PIK3R4: variants seen among roughly 807,000 people sequenced by gnomAD.
PIK3R4 encodes the protein phosphoinositide-3-kinase regulatory subunit 4.
Under a neutral mutation model 136.5 loss-of-function variants are expected in PIK3R4, and 46 were observed. The ratio of observed to expected loss-of-function variants is 0.34; its 90% CI spans 0.27 to 0.43. The LOEUF (loss-of-function observed/expected upper bound fraction) is 0.43. PIK3R4 is among the 20% of genes least tolerant of loss of function. The probability of loss-of-function intolerance (pLI) is 1.00; values close to 1 mark genes in which losing one functional copy is unlikely to be tolerated. For missense variants in PIK3R4, 1,331 were observed against 1,649.5 expected (o/e 0.81, Z 3.35); for synonymous variants, 557 against 566.7 (o/e 0.98, Z 0.24).
chr3:130,690,812 C>CA (rs900109287), intron 13 of PIK3R4, among the ~76,000 whole-genome samples, 158 bp from the exon 14 acceptor site: 13 of 151,990 alleles, frequency 8.6e-5, no homozygotes, highest in African/African-American at 3.1e-4. Flanking sequence ...AGAACTGTTA[C>CA]AAAAATTGCC....
chr3:130,739,593 G>C (rs575692732), intron 2 of PIK3R4, among the ~76,000 whole-genome samples: 19 of 151,776 alleles, frequency 1.3e-4, no homozygotes, highest in African/African-American at 4.1e-4. Flanking sequence ...GGCTGGTCTT[G>C]AACTCCCAGG....
At position 130,686,152 on chromosome 3, in the gene PIK3R4, A is replaced by G. The variant is rs544731749; in HGVS notation, c.3475+59T>C. The G allele has an allele frequency of 3.0e-5, 29 of 975,312 alleles. No homozygotes were observed. The East Asian group carries it at 4.3e-4, about 15-fold the overall frequency. 60.4% of individuals were successfully genotyped at this position (975,312 alleles called of 1,614,324 possible). ...GAGGAAAAAACTGATTTCACAAGAC[A>G]GCAATTGCAGGCATTAGTGGCATTC... On this transcript the variant is annotated intron_variant, in intron 15 of 19. Transcript: ENST00000356763.
intron 12 of PIK3R4, among the ~76,000 whole-genome samples, chr3:130,704,166 A>C (rs1332457289): frequency 6.6e-6 from 1 of 152,200 alleles, no homozygotes; most frequent in Non-Finnish European, 1.5e-5. Context: ...CAGTTACCTG[A>C]AAATGAAGGC....
At chr3:130,728,750 T>C (rs896973753) in intron 5 of PIK3R4, 66 bp from the exon 6 acceptor site, 21 of 1,116,978 alleles carry the variant, frequency 1.9e-5, no homozygotes, top group Admixed American at 1.1e-4. Flanking sequence ...GATCAATTTT[T>C]CCCCATACAG....
chr3:130,714,129 A>G (rs2066648648), intron 9 of PIK3R4, among the ~76,000 whole-genome samples: 1 of 152,190 alleles, frequency 6.6e-6, no homozygotes, highest in South Asian at 2.1e-4. Flanking sequence ...CAACAGAAAA[A>G]TGTGATTCAG....
intron 7 of PIK3R4, 92 bp downstream of exon 7, chr3:130,723,322 G>T: frequency 9.4e-7 from 1 of 1,068,038 alleles, no homozygotes; most frequent in Non-Finnish European, 1.4e-6. Flanking sequence ...ACAATCAATA[G>T]CAGGAACAAT....
chr3:130,711,676 AC>A (rs2066633320), intron 9 of PIK3R4, among the ~76,000 whole-genome samples: 1 of 152,210 alleles, frequency 6.6e-6, no homozygotes, highest in African/African-American at 2.4e-5. Flanking sequence ...GTTGGTCTGG[AC>A]CTATCCTAAA....
chr3:130,734,813 A>G (rs2066777242), intron 3 of PIK3R4, among the ~76,000 whole-genome samples: 1 of 152,260 alleles, frequency 6.6e-6, no homozygotes. Flanking sequence ...GGACACTCAT[A>G]GGGTATCAGT....
chr3:130,713,593 A>T (rs2066643966), intron 9 of PIK3R4, among the ~76,000 whole-genome samples: 1 of 152,204 alleles, frequency 6.6e-6, no homozygotes, highest in Non-Finnish European at 1.5e-5. Context: ...TTAGCAAGGT[A>T]AAAAGAAGAG....
chr3:130,715,372 C>A (rs1049926255), intron 9 of PIK3R4, among the ~76,000 whole-genome samples: 3 of 152,136 alleles, frequency 2.0e-5, no homozygotes, highest in Non-Finnish European at 4.4e-5. Flanking sequence ...GACCCACCCA[C>A]CTCGGCCTCC....
At chr3:130,688,452 G>A (rs184525992) in intron 14 of PIK3R4, among the ~76,000 whole-genome samples, 1 of 152,304 alleles carries the variant, frequency 6.6e-6, no homozygotes, top group Admixed American at 6.5e-5. Context: ...TTGTAAAACA[G>A]ATTAATTTGT....
chr3:130,685,462 A>G (rs899028940), intron 15 of PIK3R4, among the ~76,000 whole-genome samples: 1 of 152,188 alleles, frequency 6.6e-6, no homozygotes, highest in Admixed American at 6.5e-5. Flanking sequence ...AGATTAATGG[A>G]AATATATGTC....
At chr3:130,687,012 T>C (rs2066494078) in intron 14 of PIK3R4, among the ~76,000 whole-genome samples, 1 of 152,060 alleles carries the variant, frequency 6.6e-6, no homozygotes, top group South Asian at 2.1e-4. Context: ...GATGTTAGCA[T>C]GTACAGGTTA....
chr3:130,691,337 T>C (rs1230941791), intron 13 of PIK3R4, among the ~76,000 whole-genome samples: 1 of 152,198 alleles, frequency 6.6e-6, no homozygotes, highest in East Asian at 1.9e-4. Context: ...AGTTTACTCA[T>C]CTACAAAACA....
Position 130,679,133 on chromosome 3 carries a change from T to C in PIK3R4, c.*182A>G. On this transcript the variant is annotated 3_prime_UTR_variant, in exon 20 of 20. Transcript: ENST00000356763. The stretch of plus-strand genomic sequence containing the variant: ...TGGCTGATTCTTGCAAAGAGATGCA[T>C]AAGTAAACTAGTCAAGTACATCTTA... 1 of 366,888 alleles carries C rather than the reference T, an allele frequency of 2.7e-6. No homozygotes were observed. The highest frequency in any genetic ancestry group is 4.8e-6 in the Non-Finnish European group (1 of 206,492). 22.7% of individuals were successfully genotyped at this position (366,888 alleles called of 1,614,324 possible). A position where few individuals can be genotyped will look rare whatever the true frequency, so the allele number is the denominator to read the frequency against.
At chr3:130,707,271 TC>T in intron 10 of PIK3R4, 136 bp from the exon 11 acceptor site, 1 of 498,738 alleles carries the variant, frequency 2.0e-6, no homozygotes. Context: ...CCTTAAGATT[TC>T]TAATTTATTC....
chr3:130,694,103 TGACACA>T (rs1400991486), intron 13 of PIK3R4, among the ~76,000 whole-genome samples: 1 of 152,138 alleles, frequency 6.6e-6, no homozygotes, highest in Non-Finnish European at 1.5e-5. Context: ...CATGAATATA[TGACACA>T]GACATAGACA....
intron 7 of PIK3R4, among the ~76,000 whole-genome samples, chr3:130,722,386 A>G (rs2066706572): frequency 6.6e-6 from 1 of 152,214 alleles, no homozygotes; most frequent in African/African-American, 2.4e-5. Flanking sequence ...ATCAAAGACT[A>G]GAAATAGCAA....
At chr3:130,723,061 G>GC (rs1559827869) in intron 7 of PIK3R4, among the ~76,000 whole-genome samples, 4 of 10,082 alleles carry the variant, frequency 4.0e-4, no homozygotes, top group African/African-American at 2.3e-3. Flanking sequence ...AGAGACTGTC[G>GC]CAAAAAAAAA....
Sources: gnomAD v4.1 joint callset for allele counts (sites outside exome capture counted in the v4.1 genomes callset) on GRCh38, gnomAD v4.1.1 for gene constraint, MANE v1.5 for transcripts, NCBI Gene and HGNC (gene_info 2026-07-23, HGNC 2026-07-21) for gene names.